EGLN3: variants seen among roughly 807,000 people sequenced by gnomAD.
EGLN3 encodes the protein prolyl hydroxylase EGLN3.
Under a neutral mutation model 26.0 loss-of-function variants are expected in EGLN3, and 15 were observed. The ratio of observed to expected loss-of-function variants is 0.58; its 90% CI spans 0.39 to 0.89. The LOEUF (loss-of-function observed/expected upper bound fraction) is 0.89. Ranked by LOEUF, EGLN3 falls within the 40% of genes least tolerant of loss-of-function variation. EGLN3 has a pLI of 0.00. For missense variants in EGLN3, 238 were observed against 311.6 expected, an observed-to-expected ratio of 0.76 and a Z score of 1.78; for synonymous variants, 147 against 127.2, an observed-to-expected ratio of 1.16 and a Z score of -1.05.
chr14:33,931,514 T>G (rs748411856), intron 1 of EGLN3, among the ~76,000 whole-genome samples: 4 of 152,256 alleles, frequency 2.6e-5, no homozygotes, highest in Non-Finnish European at 5.9e-5. Context: ...CATAACCTGT[T>G]TGTATGCCCT....
chr14:33,928,641 C>G (rs184394579), intron 3 of EGLN3, among the ~76,000 whole-genome samples: 1 of 152,298 alleles, frequency 6.6e-6, no homozygotes, highest in East Asian at 1.9e-4. Context: ...ATTACTCTTT[C>G]TCTTCTCAAG....
chr14:33,947,780 A>T (rs1311075364), intron 1 of EGLN3, among the ~76,000 whole-genome samples: 2 of 152,200 alleles, frequency 1.3e-5, no homozygotes, highest in Admixed American at 1.3e-4. Flanking sequence ...GGCCGGGCAC[A>T]GTGGCTCAAG....
chr14:33,929,571 C>T (rs1235534788), intron 2 of EGLN3, among the ~76,000 whole-genome samples: 7 of 152,148 alleles, frequency 4.6e-5, no homozygotes, highest in Non-Finnish European at 8.8e-5. Flanking sequence ...AGGCTGGTCT[C>T]GAACTCCCGA....
At chr14:33,928,265 G>A (rs183579111) in intron 3 of EGLN3, among the ~76,000 whole-genome samples, 238 of 152,206 alleles carry the variant, frequency 1.6e-3, no homozygotes, top group African/African-American at 4.5e-3. Flanking sequence ...TCCGGAGGAG[G>A]GCACATGTGA....
At chr14:33,950,056 G>A (rs918437312) in intron 1 of EGLN3, 1 of 574,926 alleles carries the variant, frequency 1.7e-6, no homozygotes, top group African/African-American at 1.9e-5. Flanking sequence ...ATGATACACA[G>A]TGTTTCCAAT....
intron 1 of EGLN3, among the ~76,000 whole-genome samples, chr14:33,940,522 G>A (rs772121152): frequency 2.0e-5 from 3 of 151,860 alleles, no homozygotes; most frequent in Non-Finnish European, 4.4e-5. Context: ...TTTACTCAAT[G>A]GTTCTCAAAC....
chr14:33,931,137 T>C lies in EGLN3; in HGVS notation c.436A>G (p.Ile146Val). Residue 146 changes from isoleucine (I) to valine (V), a missense_variant, in exon 2 of 5, where the codon ATC becomes GTC. Transcript: ENST00000250457. The part of the protein sequence containing the change: ...VDNPNGDGRC[I>V]TCIYYLNKNW... ...TTGTTCAGATAGTAGATGCAGGTGA[T>C]GCAGCGACCATCACCGTTGGGGTTG... The C allele has an allele frequency of 1.9e-6, 3 of 1,614,216 alleles. No individual in the cohort carries two copies. Among genetic ancestry groups the C allele is most frequent in the Non-Finnish European group, 1.7e-6 (2 of 1,180,030 alleles).
chr14:33,933,468 G>T (rs149015538), intron 1 of EGLN3, among the ~76,000 whole-genome samples: 1 of 152,190 alleles, frequency 6.6e-6, no homozygotes, highest in African/African-American at 2.4e-5. Flanking sequence ...GCTTAAGAGG[G>T]AGGCAAAGAG....
At chr14:33,928,711 T>G (rs946737341) in intron 3 of EGLN3, among the ~76,000 whole-genome samples, 3 of 152,098 alleles carry the variant, frequency 2.0e-5, no homozygotes, top group Non-Finnish European at 2.9e-5. Context: ...CAGACAGAAT[T>G]CCTGATATGT....
intron 1 of EGLN3, among the ~76,000 whole-genome samples, chr14:33,941,731 G>A (rs975215097): frequency 7.2e-5 from 11 of 152,112 alleles, no homozygotes; most frequent in Admixed American, 3.9e-4. Context: ...CTAAGCACAC[G>A]GTGGACAGCA....
At position 33,938,439 on chromosome 14, in the gene EGLN3, C is replaced by T. The variant is rs139814764; in HGVS notation, c.358-7224G>A. The stretch of plus-strand genomic sequence containing the variant: ...TTTGGGTTTGGGCAGGCCGCCCTTC[C>T]CGTGGAGGACTGGCTCTAAGCCAGC... On this transcript the variant is annotated intron_variant, in intron 1 of 4. Transcript: ENST00000250457. 6.6e-5 allele frequency among the ~76,000 whole-genome samples: 10 copies of T among 152,320 alleles called. No individual in the cohort carries two copies. In the East Asian group the frequency reaches 1.9e-3, roughly 29 times the overall value.
rs2064345907 is a variant in EGLN3, at chr14:33,924,319, A to T, written c.*1572T>A. On this transcript the variant is annotated 3_prime_UTR_variant, in exon 5 of 5. Transcript: ENST00000250457. ...GTGCTGAGAGTATGTTGCATTGGTT[A>T]AAAATATACAAAATTCCTGTCTTCA... 1.3e-5 allele frequency: 2 copies of T among 152,186 alleles called. No individual in the cohort carries two copies. Among genetic ancestry groups the T allele is most frequent in the Admixed American group, 1.3e-4 (2 of 15,272 alleles). The allele number at this position is 152,186 out of a possible 1,614,324, so 9.4% of individuals were successfully genotyped here.
intron 2 of EGLN3, among the ~76,000 whole-genome samples, chr14:33,929,745 G>C (rs1308992224): frequency 6.6e-6 from 1 of 152,078 alleles, no homozygotes; most frequent in African/African-American, 2.4e-5. Context: ...CAGTCATAAA[G>C]CCCATGGACG....
intron 1 of EGLN3, chr14:33,948,820 TA>T (rs2064536094): frequency 6.6e-6 from 1 of 152,066 alleles, no homozygotes; most frequent in Admixed American, 6.5e-5. Flanking sequence ...AAGAAACATT[TA>T]AAAACCCAAT....
At chr14:33,950,142 C>A in intron 1 of EGLN3, 1 of 593,668 alleles carries the variant, frequency 1.7e-6, no homozygotes, top group South Asian at 2.1e-5. Context: ...TGGCTTTTGT[C>A]ACCCACAAGA....
At chr14:33,944,438 T>A (rs1192962699) in intron 1 of EGLN3, among the ~76,000 whole-genome samples, 2 of 152,150 alleles carry the variant, frequency 1.3e-5, no homozygotes, top group Non-Finnish European at 2.9e-5. Context: ...TCTATTAAAG[T>A]ACCTTTTATC....
chr14:33,927,932 G>A (rs1440596211), intron 3 of EGLN3, among the ~76,000 whole-genome samples: 2 of 152,088 alleles, frequency 1.3e-5, no homozygotes, highest in East Asian at 3.9e-4. Flanking sequence ...AGACTGTAAT[G>A]GGAGCCATTT....
At chr14:33,950,333 C>T (rs776549165) in intron 1 of EGLN3, 63 bp downstream of exon 1, 6 of 1,488,922 alleles carry the variant, frequency 4.0e-6, no homozygotes, top group Middle Eastern at 1.7e-4. Flanking sequence ...CGACATACAA[C>T]GGACTCCGAG....
At position 33,924,951 on chromosome 14, in the gene EGLN3, A is replaced by AAAC. The variant is rs1320752730; in HGVS notation, c.*939_*940insGTT. The AAAC allele has an allele frequency of 6.6e-6, 1 of 150,510 alleles. No homozygotes were observed. The highest frequency in any genetic ancestry group is 6.6e-5 in the Admixed American group (1 of 15,114). The allele number at this position is 150,510 out of a possible 1,614,324, so 9.3% of individuals were successfully genotyped here. On this transcript the variant is annotated 3_prime_UTR_variant, in exon 5 of 5. Transcript: ENST00000250457. ...ATTAAAAAGGAAAACTAAAAAAAAAAAAAAAAAAAAAACAGGAACACCCAC... is the reference window on the plus strand; with the variant it reads ...ATTAAAAAGGAAAACTAAAAAAAAAAAACAAAAAAAAAAAACAGGAACACCCAC...
Sources: allele counts gnomAD v4.1 joint callset (sites outside exome capture counted in the v4.1 genomes callset), GRCh38; gene constraint gnomAD v4.1.1; transcripts MANE v1.5; gene names NCBI Gene and HGNC (gene_info 2026-07-23, HGNC 2026-07-21).